The following DTNA variants were observed in gnomAD, a reference collection of about 807,000 sequenced individuals.
DTNA encodes dystrophin-related protein 3.
DTNA carries 43 observed loss-of-function variants against 100.7 expected under a neutral mutation model. That is an observed-to-expected ratio of 0.43 (90% confidence interval 0.33 to 0.55). DTNA has a LOEUF of 0.55. DTNA is among the 20% of genes least tolerant of loss of function. The probability of loss-of-function intolerance (pLI) is 0.04; values close to 1 mark genes in which losing one functional copy is unlikely to be tolerated. For synonymous variants in DTNA, 349 were observed against 347.9 expected (o/e 1.00, Z -0.04); for missense variants, 798 against 953.9 (o/e 0.84, Z 2.15).
chr18:34,782,196 G>C (rs1032663698), intron 3 of DTNA, among the ~76,000 whole-genome samples: 3 of 152,170 alleles, frequency 2.0e-5, no homozygotes, highest in African/African-American at 7.2e-5. Flanking sequence ...GTTTGAACAA[G>C]GTATTATGCA....
chr18:34,816,002 A>G lies in DTNA; in HGVS notation c.697A>G (p.Asn233Asp). Reference protein sequence around the residue: ...VWLPLLHRLANVENVFHPVEC... With the variant: ...VWLPLLHRLADVENVFHPVEC... ...GTTGCCTCTTCTGCATCGACTAGCA[A>G]ATGTGGAAAATGGTGAGTAGTTACT... Residue 233 changes from asparagine to aspartate, a missense_variant, in exon 7 of 23, where the codon AAT (asparagine) becomes GAT (aspartate). This residue lies in a region of DTNA where 81 missense variants were observed against 153.5 expected (regional missense o/e 0.53). Transcript: ENST00000444659. 1 of 1,613,638 alleles carries G rather than the reference A, an allele frequency of 6.2e-7. No individual in the cohort carries two copies. The highest frequency in any genetic ancestry group is 8.5e-7 in the Non-Finnish European group (1 of 1,179,616).
intron 20 of DTNA, among the ~76,000 whole-genome samples, chr18:34,881,339 G>T (rs1204544844): frequency 1.3e-5 from 2 of 151,384 alleles, no homozygotes; most frequent in Admixed American, 6.6e-5. Context: ...GAAAAGCTTT[G>T]CATAGTCTAG....
intron 1 of DTNA, among the ~76,000 whole-genome samples, chr18:34,718,147 C>G (rs561018795): frequency 2.0e-5 from 3 of 152,252 alleles, no homozygotes; most frequent in African/African-American, 4.8e-5. Context: ...CTGAGCGTAT[C>G]TTACAATATG....
At chr18:34,740,333 CT>C (rs757330700) in intron 1 of DTNA, among the ~76,000 whole-genome samples, 78 of 152,116 alleles carry the variant, frequency 5.1e-4, no homozygotes, top group Non-Finnish European at 4.9e-4. Flanking sequence ...TGAGTACCCC[CT>C]GGGAAAAAGG....
intron 1 of DTNA, among the ~76,000 whole-genome samples, chr18:34,558,351 T>C (rs1268880158): frequency 1.3e-5 from 2 of 152,202 alleles, no homozygotes; most frequent in African/African-American, 4.8e-5. Flanking sequence ...CCCTGGGAGC[T>C]GTAGACTGGA....
At chr18:34,885,541 A>G (rs681526) in intron 22 of DTNA, among the ~76,000 whole-genome samples, 46,327 of 152,054 alleles carry the variant, frequency 0.3, 9,481 homozygotes, top group African/African-American at 0.58. Flanking sequence ...CCAAATCCTA[A>G]CAGCAGAACT....
At chr18:34,800,213 A>G (rs1177484934) in intron 4 of DTNA, among the ~76,000 whole-genome samples, 1 of 152,218 alleles carries the variant, frequency 6.6e-6, no homozygotes, top group Non-Finnish European at 1.5e-5. Context: ...TTGAACTGAC[A>G]TATGTAAAGA....
At chr18:34,744,242 A>T (rs1224084949) in intron 1 of DTNA, among the ~76,000 whole-genome samples, 1 of 152,186 alleles carries the variant, frequency 6.6e-6, no homozygotes, top group Non-Finnish European at 1.5e-5. Context: ...TTCTAGTTTC[A>T]CTAAAAATCA....
Position 34,812,010 on chromosome 18 carries a change from A to G in DTNA, c.500A>G (p.Tyr167Cys). The change falls in exon 6 of 23, where the codon TAT becomes TGT. Residue 167 changes from tyrosine (Y) to cysteine (C), a missense_variant. Physicochemically the swap from Tyr to Cys is radical, Grantham distance 194. This residue lies in a region of DTNA where 197 missense variants were observed against 215.4 expected (regional missense o/e 0.91). Coordinates refer to ENST00000444659, the MANE Select transcript of DTNA (RefSeq NM_001386795.1). ...AGTGGGGTGATGGTTTATGGACGATATGACCAATTCCTTCGGGAAGTTCTC... is the reference window on the plus strand; with the variant it reads ...AGTGGGGTGATGGTTTATGGACGATGTGACCAATTCCTTCGGGAAGTTCTC... Reference protein sequence around the residue: ...DSSGVMVYGRYDQFLREVLKL... With the variant: ...DSSGVMVYGRCDQFLREVLKL... 2 of 1,614,100 alleles carry G rather than the reference A, an allele frequency of 1.2e-6. No homozygotes were observed. The highest frequency in any genetic ancestry group is 2.7e-5 in the African/African-American group (2 of 75,046).
intron 13 of DTNA, among the ~76,000 whole-genome samples, chr18:34,847,939 A>G (rs2096409410): frequency 6.6e-6 from 1 of 152,210 alleles, no homozygotes; most frequent in African/African-American, 2.4e-5. Flanking sequence ...ATTTTCTAAC[A>G]TGTCAATTTT....
intron 1 of DTNA, among the ~76,000 whole-genome samples, chr18:34,664,206 C>A (rs2075594610): frequency 6.6e-6 from 1 of 152,034 alleles, no homozygotes; most frequent in African/African-American, 2.4e-5. Context: ...AATGCAGAAG[C>A]AGATAGGTAA....
intron 9 of DTNA, among the ~76,000 whole-genome samples, chr18:34,821,969 G>A (rs191841720): frequency 1.3e-3 from 191 of 152,268 alleles, no homozygotes; most frequent in African/African-American, 4.1e-3. Flanking sequence ...GTTGGGTCAC[G>A]TCTGTGAGCT....
chr18:34,505,253 C>T (rs1240438790), intron 1 of DTNA, among the ~76,000 whole-genome samples: 2 of 152,206 alleles, frequency 1.3e-5, no homozygotes, highest in African/African-American at 4.8e-5. Flanking sequence ...TTTCCTCTGT[C>T]ATCGTATCTC....
intron 1 of DTNA, among the ~76,000 whole-genome samples, chr18:34,696,519 A>T (rs577422851): frequency 6.6e-6 from 1 of 152,328 alleles, no homozygotes; most frequent in South Asian, 2.1e-4. Flanking sequence ...TGGAGGTTGC[A>T]GTGAGCCAAG....
At chr18:34,668,881 G>A (rs973571577) in intron 1 of DTNA, among the ~76,000 whole-genome samples, 1 of 152,194 alleles carries the variant, frequency 6.6e-6, no homozygotes, top group African/African-American at 2.4e-5. Flanking sequence ...GTGGTGTGGT[G>A]CTGAGAAGAA....
intron 15 of DTNA, among the ~76,000 whole-genome samples, chr18:34,853,670 A>G (rs535247033): frequency 3.3e-5 from 5 of 152,252 alleles, no homozygotes; most frequent in African/African-American, 1.2e-4. Flanking sequence ...ATTTAAAAAT[A>G]AAATTAAAAA....
intron 4 of DTNA, among the ~76,000 whole-genome samples, chr18:34,799,219 G>T (rs1436022504): frequency 6.6e-6 from 1 of 152,062 alleles, no homozygotes; most frequent in Non-Finnish European, 1.5e-5. Context: ...CAAAATCCTG[G>T]TATTTTCCTC....
chr18:34,724,452 A>G (rs2086118046), intron 1 of DTNA, among the ~76,000 whole-genome samples: 1 of 152,204 alleles, frequency 6.6e-6, no homozygotes, highest in South Asian at 2.1e-4. Context: ...AATGTTTTTA[A>G]TTTATAAAGA....
At chr18:34,793,255 C>T (rs1375781450) in intron 3 of DTNA, among the ~76,000 whole-genome samples, 1 of 152,126 alleles carries the variant, frequency 6.6e-6, no homozygotes, top group East Asian at 1.9e-4. Flanking sequence ...TTATCTTGGT[C>T]GTGATCATGG....
Sources: gnomAD v4.1 joint callset for allele counts (sites outside exome capture counted in the v4.1 genomes callset) on GRCh38, gnomAD v4.1.1 for gene constraint, gnomAD v4.1.1 regional missense constraint, MANE v1.5 for transcripts, NCBI Gene and HGNC (gene_info 2026-07-23, HGNC 2026-07-21) for gene names.